ANK3: variants seen among roughly 807,000 people sequenced by gnomAD.
ANK3 encodes ankyrin-3.
A neutral mutation model predicts 370.9 loss-of-function variants in ANK3; 57 were observed. That is an observed-to-expected ratio of 0.15 (90% confidence interval 0.12 to 0.19). The LOEUF (loss-of-function observed/expected upper bound fraction) is 0.19. Among genes scored for constraint, ANK3 ranks in the 10% least tolerant of loss-of-function variants. The probability of loss-of-function intolerance (pLI) is 1.00; values close to 1 mark genes in which losing one functional copy is unlikely to be tolerated. For synonymous variants in ANK3, 1,929 were observed against 1,946.3 expected (o/e 0.99, Z 0.23); for missense variants, 4,439 against 5,302.1 (o/e 0.84, Z 5.06).
intron 34 of ANK3, 49 bp from the exon 35 acceptor site, chr10:60,082,225 A>C (rs777485621): frequency 6.7e-7 from 1 of 1,490,490 alleles, no homozygotes; most frequent in Non-Finnish European, 9.3e-7. Flanking sequence ...TATAATGGAC[A>C]GCAGGGAAAA....
chr10:60,623,619 G>A (rs1055729634), intron 1 of ANK3, among the ~76,000 whole-genome samples: 3 of 152,162 alleles, frequency 2.0e-5, no homozygotes, highest in Non-Finnish European at 4.4e-5. Flanking sequence ...TGTTGAGCAG[G>A]AAAGTGACAA....
intron 1 of ANK3, among the ~76,000 whole-genome samples, chr10:60,641,299 C>T (rs1035789450): frequency 9.9e-5 from 15 of 151,064 alleles, no homozygotes; most frequent in Non-Finnish European, 1.9e-4. Flanking sequence ...TCATATGGAA[C>T]CAAAAAAGAG....
At chr10:60,347,251 AC>A (rs1197337233) in intron 1 of ANK3, among the ~76,000 whole-genome samples, 1 of 151,190 alleles carries the variant, frequency 6.6e-6, no homozygotes, top group Admixed American at 6.6e-5. Context: ...TCTTTACCAA[AC>A]CCCCCTAGTC....
intron 2 of ANK3, among the ~76,000 whole-genome samples, chr10:60,526,282 G>A (rs557637421): frequency 6.6e-6 from 1 of 152,216 alleles, no homozygotes; most frequent in East Asian, 1.9e-4. Flanking sequence ...ATTGTTCTCT[G>A]AGTACTGTAA....
At chr10:60,488,752 T>C (rs1405927119) in intron 2 of ANK3, among the ~76,000 whole-genome samples, 1 of 152,232 alleles carries the variant, frequency 6.6e-6, no homozygotes, top group Non-Finnish European at 1.5e-5. Flanking sequence ...ATATTGGTAT[T>C]TTATTCCTTT....
intron 1 of ANK3, among the ~76,000 whole-genome samples, chr10:60,346,548 A>G (rs887763831): frequency 6.6e-6 from 1 of 152,166 alleles, no homozygotes; most frequent in African/African-American, 2.4e-5. Context: ...CCCCACATTA[A>G]GGAATAATAA....
At chr10:60,414,086 T>C (rs560216986) in intron 2 of ANK3, among the ~76,000 whole-genome samples, 2 of 152,346 alleles carry the variant, frequency 1.3e-5, no homozygotes, top group African/African-American at 4.8e-5. Flanking sequence ...TATTACAATA[T>C]AGGCACTGTA....
At chr10:60,406,727 A>T (rs1470846176) in intron 2 of ANK3, among the ~76,000 whole-genome samples, 5 of 152,352 alleles carry the variant, frequency 3.3e-5, no homozygotes, top group South Asian at 4.1e-4. Context: ...CTTAGAGTCA[A>T]ATTAATCTGG....
intron 1 of ANK3, among the ~76,000 whole-genome samples, chr10:60,317,069 C>T (rs2047604255): frequency 1.3e-5 from 2 of 151,828 alleles, no homozygotes; most frequent in Non-Finnish European, 2.9e-5. Context: ...ATTGTATGGA[C>T]TTGGATTTGC....
At chr10:60,666,520 G>A (rs1003108262) in intron 1 of ANK3, among the ~76,000 whole-genome samples, 7 of 152,244 alleles carry the variant, frequency 4.6e-5, no homozygotes, top group Middle Eastern at 3.4e-3. Context: ...ACAACAGTGT[G>A]AATGTACTTA....
chr10:60,563,009 T>A (rs2133252066), intron 2 of ANK3, among the ~76,000 whole-genome samples: 1 of 152,348 alleles, frequency 6.6e-6, no homozygotes, highest in African/African-American at 2.4e-5. Context: ...CAGAGTTATT[T>A]ATTATAAACT....
intron 1 of ANK3, among the ~76,000 whole-genome samples, chr10:60,644,534 T>TACAAAAAATTAG (rs1364148342): frequency 6.6e-6 from 1 of 152,116 alleles, no homozygotes. Context: ...TACCAATTTT[T>TACAAAAAATTAG]CTATTGGAAA....
chr10:60,283,523 G>A (rs1441364259), intron 1 of ANK3, among the ~76,000 whole-genome samples: 13 of 152,136 alleles, frequency 8.5e-5, no homozygotes, highest in African/African-American at 3.1e-4. Context: ...AAATGAATAT[G>A]AACAGGTTGT....
intron 38 of ANK3, among the ~76,000 whole-genome samples, chr10:60,065,896 A>G (rs2081547951): frequency 6.6e-6 from 1 of 152,236 alleles, no homozygotes; most frequent in Admixed American, 6.5e-5. Flanking sequence ...ATATTTTTTT[A>G]TGCATTAAAA....
At chr10:60,247,937 G>C (rs1378950990) in intron 7 of ANK3, among the ~76,000 whole-genome samples, 1 of 152,172 alleles carries the variant, frequency 6.6e-6, no homozygotes, top group Non-Finnish European at 1.5e-5. Flanking sequence ...AAAGTGCTGG[G>C]ATTACAGGCG....
chr10:60,210,463 GA>G (rs1388373265), intron 9 of ANK3, among the ~76,000 whole-genome samples: 2 of 152,042 alleles, frequency 1.3e-5, no homozygotes, highest in Admixed American at 6.6e-5. Context: ...CGTATTCTAG[GA>G]AGTAAAAGAA....
intron 2 of ANK3, among the ~76,000 whole-genome samples, chr10:60,413,583 C>A (rs1184542646): frequency 1.3e-5 from 2 of 152,052 alleles, no homozygotes; most frequent in East Asian, 1.9e-4. Flanking sequence ...CTGGGAAATT[C>A]TGCAAAATAA....
At chr10:60,102,625 C>T (rs1388714609) in intron 28 of ANK3, among the ~76,000 whole-genome samples, 1 of 152,142 alleles carries the variant, frequency 6.6e-6, no homozygotes, top group Non-Finnish European at 1.5e-5. Context: ...AATTTGATTG[C>T]GTACATGGAA....
intron 1 of ANK3, among the ~76,000 whole-genome samples, chr10:60,631,018 G>A (rs1355921036): frequency 6.6e-6 from 1 of 152,108 alleles, no homozygotes; most frequent in Non-Finnish European, 1.5e-5. Flanking sequence ...TTGGGTACAG[G>A]AGATAAAAGC....
Sources: allele counts gnomAD v4.1 joint callset (sites outside exome capture counted in the v4.1 genomes callset), GRCh38; gene constraint gnomAD v4.1.1; transcripts MANE v1.5; gene names NCBI Gene and HGNC (gene_info 2026-07-23, HGNC 2026-07-21).